Variants in CAV1 observed in about 807,000 individuals in gnomAD.
CAV1 encodes the protein caveolin-1.
In CAV1, 10 loss-of-function variants were observed where a neutral mutation model predicts 16.5. The ratio of observed to expected loss-of-function variants is 0.61; its 90% CI spans 0.37 to 1.03. The LOEUF is 1.03. Ranked by LOEUF, CAV1 falls within the 50% of genes least tolerant of loss-of-function variation. The pLI is 0.01. For missense variants in CAV1, 212 were observed against 232.8 expected, an observed-to-expected ratio of 0.91 and a Z score of 0.58; for synonymous variants, 76 against 85.1, an observed-to-expected ratio of 0.89 and a Z score of 0.59.
At chr7:116,542,458 G>A (rs752134056) in intron 2 of CAV1, among the ~76,000 whole-genome samples, 33 of 151,824 alleles carry the variant, frequency 2.2e-4, no homozygotes, top group Non-Finnish European at 4.6e-4. Flanking sequence ...GCTAAAATTG[G>A]GTCTGGTTTA....
At chr7:116,536,871 C>T (rs989371953) in intron 2 of CAV1, among the ~76,000 whole-genome samples, 22 of 151,706 alleles carry the variant, frequency 1.5e-4, no homozygotes, top group East Asian at 1.4e-3. Context: ...GGCGCGGTGG[C>T]GGGCGCCTGT....
intron 1 of CAV1, 124 bp downstream of exon 1, chr7:116,525,216 C>G: frequency 2.5e-6 from 4 of 1,612,846 alleles, no homozygotes; most frequent in Non-Finnish European, 3.4e-6. Flanking sequence ...GAGCACTCCT[C>G]TGGCGTTGGC....
chr7:116,532,969 G>T (rs1428203205), intron 2 of CAV1, among the ~76,000 whole-genome samples: 1 of 152,170 alleles, frequency 6.6e-6, no homozygotes, highest in East Asian at 1.9e-4. Context: ...TAGGCCCATA[G>T]GTTTATCTTC....
chr7:116,526,520 T>A lies in CAV1; in HGVS notation c.31-5T>A, dbSNP rs779785409. The stretch of plus-strand genomic sequence containing the variant: ...TCCTGGCCGTCCGCCCTCCGCCCTC[T>A]GCAGGGACATCTCTACACCGTTCCC... On this transcript the variant is annotated splice_polypyrimidine_tract_variant and splice_region_variant and intron_variant, in intron 1 of 2. Coordinates refer to ENST00000341049, the MANE Select transcript of CAV1 (RefSeq NM_001753.5). The A allele has an allele frequency of 1.2e-6, 2 of 1,613,874 alleles. No homozygotes were observed. Among genetic ancestry groups the A allele is most frequent in the South Asian group, 2.2e-5 (2 of 91,066 alleles).
At chr7:116,543,937 A>G (rs1328449370) in intron 2 of CAV1, among the ~76,000 whole-genome samples, 2 of 152,188 alleles carry the variant, frequency 1.3e-5, no homozygotes, top group Non-Finnish European at 2.9e-5. Flanking sequence ...ACCTAGCTGT[A>G]AAGAGTTTGT....
intron 2 of CAV1, among the ~76,000 whole-genome samples, chr7:116,529,371 T>G (rs1793637482): frequency 6.6e-6 from 1 of 152,222 alleles, no homozygotes; most frequent in South Asian, 2.1e-4. Flanking sequence ...GTGTTTCCAT[T>G]TAAATTTCAA....
rs1180162585 is a variant in CAV1 at position 116,559,496 on chromosome 7, C to T, written c.*209C>T. ...TTTTGGCAGTCTGAATTTTTAAAAC[C>T]CATTTAAATTTTTTTCCTTACCTTT... On this transcript the variant is annotated 3_prime_UTR_variant, in exon 3 of 3. Coordinates refer to ENST00000341049, the MANE Select transcript of CAV1 (RefSeq NM_001753.5). The T allele has an allele frequency of 2.0e-5, 12 of 602,550 alleles. No individual in the cohort carries two copies. The East Asian group carries it at 2.5e-4, about 12-fold the overall frequency. 37.3% of individuals were successfully genotyped at this position (602,550 alleles called of 1,614,324 possible).
chr7:116,549,288 G>C (rs1794112244), intron 2 of CAV1, among the ~76,000 whole-genome samples: 1 of 151,988 alleles, frequency 6.6e-6, no homozygotes, highest in Admixed American at 6.6e-5. Context: ...ACCACTTTGG[G>C]GCCAGGTCTA....
At chr7:116,534,857 C>G (rs1430121785) in intron 2 of CAV1, among the ~76,000 whole-genome samples, 1 of 152,084 alleles carries the variant, frequency 6.6e-6, no homozygotes, top group Non-Finnish European at 1.5e-5. Flanking sequence ...GTTGATTCTA[C>G]CTGAAGAGAG....
rs1216275586 is a variant in CAV1, at chr7:116,533,345, A to G, written c.195+6656A>G. The stretch of plus-strand genomic sequence containing the variant: ...CAGCGAGACTCCGTCTCAAAAAATA[A>G]AATAAATAAAATAAAATAAAATAAA... On this transcript the variant is annotated intron_variant, in intron 2 of 2. Transcript: ENST00000341049. Among the ~76,000 whole-genome samples the G allele has an allele frequency of 8.3e-5, 3 of 35,954 alleles. No homozygotes were observed. In the Admixed American group the frequency reaches 1.3e-3, roughly 15 times the overall value. 23.6% of individuals were successfully genotyped at this position (35,954 alleles called of 152,430 possible). A position where few individuals can be genotyped will look rare whatever the true frequency, so the allele number is the denominator to read the frequency against.
Position 116,534,362 on chromosome 7 carries a change from G to GATAT in CAV1, c.195+7704_195+7707dup, listed in dbSNP as rs1181031913. Among the ~76,000 whole-genome samples the GATAT allele has an allele frequency of 3.6e-3, 155 of 42,562 alleles. 5 individuals are homozygous for GATAT. The highest frequency in any genetic ancestry group is 9.7e-3 in the South Asian group (7 of 718). The allele number at this position is 42,562 out of a possible 152,430, so 27.9% of individuals were successfully genotyped here. ...AATACAGATGCCTGGGCCCACCTCA[G>GATAT]ATATATATATATATATATATATATA... On this transcript the variant is annotated intron_variant, in intron 2 of 2. Coordinates refer to ENST00000341049, the MANE Select transcript of CAV1 (RefSeq NM_001753.5).
chr7:116,553,532 G>T (rs1373607388), intron 2 of CAV1, among the ~76,000 whole-genome samples: 2 of 152,048 alleles, frequency 1.3e-5, no homozygotes, highest in Non-Finnish European at 1.5e-5. Flanking sequence ...AGGCCAAGTT[G>T]TTCCATAAAT....
chr7:116,540,885 C>T (rs184633910), intron 2 of CAV1, among the ~76,000 whole-genome samples: 24 of 152,110 alleles, frequency 1.6e-4, no homozygotes, highest in Admixed American at 1.5e-3. Flanking sequence ...ACCAAGATGC[C>T]TGGTGAGTAT....
intron 2 of CAV1, among the ~76,000 whole-genome samples, chr7:116,556,378 TA>T: frequency 6.6e-6 from 1 of 152,204 alleles, no homozygotes; most frequent in Non-Finnish European, 1.5e-5. Flanking sequence ...ACGTGCCTTT[TA>T]ATTATGAAAT....
At chr7:116,553,448 G>A (rs1794202920) in intron 2 of CAV1, among the ~76,000 whole-genome samples, 1 of 151,986 alleles carries the variant, frequency 6.6e-6, no homozygotes, top group Admixed American at 6.6e-5. Context: ...TAAAGCATCT[G>A]TTGACACACA....
At chr7:116,525,916 G>C (rs1793547136) in intron 1 of CAV1, 10 of 861,606 alleles carry the variant, frequency 1.2e-5, no homozygotes, top group Non-Finnish European at 1.4e-5. Flanking sequence ...AGCCGTGGAG[G>C]GACAAGAGAG....
chr7:116,550,159 A>T (rs907298970), intron 2 of CAV1, among the ~76,000 whole-genome samples: 1 of 152,134 alleles, frequency 6.6e-6, no homozygotes, highest in African/African-American at 2.4e-5. Flanking sequence ...TGCTCAGGTC[A>T]GTGACTGCAG....
intron 2 of CAV1, among the ~76,000 whole-genome samples, chr7:116,536,181 G>A (rs191621890): frequency 1.3e-5 from 2 of 152,230 alleles, no homozygotes; most frequent in East Asian, 3.9e-4. Flanking sequence ...AGGACAAGAA[G>A]CAAAGGAAAA....
At chr7:116,547,635 T>C (rs1184535240) in intron 2 of CAV1, among the ~76,000 whole-genome samples, 1 of 152,128 alleles carries the variant, frequency 6.6e-6, no homozygotes, top group African/African-American at 2.4e-5. Context: ...AAATACAAAA[T>C]AAGCAGTCAC....
Sources: gnomAD v4.1 joint callset for allele counts (sites outside exome capture counted in the v4.1 genomes callset) on GRCh38, gnomAD v4.1.1 for gene constraint, MANE v1.5 for transcripts, NCBI Gene and HGNC (gene_info 2026-07-23, HGNC 2026-07-21) for gene names.